Variants in KCNN2 observed in about 807,000 individuals in gnomAD.
KCNN2 encodes potassium calcium-activated channel subfamily N member 2, also known as small conductance calcium-activated potassium channel protein 2.
In KCNN2, 24 loss-of-function variants were observed where a neutral mutation model predicts 55.5. That is an observed-to-expected ratio of 0.43 (90% CI 0.31 to 0.61). The LOEUF (loss-of-function observed/expected upper bound fraction) is 0.61, where lower values mean the gene tolerates loss of function less well. KCNN2 is among the 20% of genes least tolerant of loss of function. KCNN2 has a pLI of 0.08. For synonymous variants in KCNN2, 431 were observed against 336.1 expected (o/e 1.28, Z -3.09); for missense variants, 754 against 853.6 (o/e 0.88, Z 1.45).
intron 1 of KCNN2, among the ~76,000 whole-genome samples, chr5:114,157,668 T>G (rs1206557075): frequency 6.6e-6 from 1 of 152,210 alleles, no homozygotes; most frequent in East Asian, 1.9e-4. Flanking sequence ...CCAGCACCTG[T>G]TGTTTCCTGA....
At chr5:114,407,895 C>T (rs1758988171) in intron 3 of KCNN2, among the ~76,000 whole-genome samples, 1 of 152,194 alleles carries the variant, frequency 6.6e-6, no homozygotes, top group Non-Finnish European at 1.5e-5. Context: ...GTTGTACTGT[C>T]TCCAGATAAT....
intron 2 of KCNN2, among the ~76,000 whole-genome samples, chr5:114,291,145 A>T (rs1755878459): frequency 6.6e-6 from 1 of 152,008 alleles, no homozygotes; most frequent in Admixed American, 6.6e-5. Context: ...AGTTATTAAA[A>T]TATTTTAAAA....
chr5:114,162,338 C>G (rs1408335520), intron 1 of KCNN2, among the ~76,000 whole-genome samples: 2 of 152,136 alleles, frequency 1.3e-5, no homozygotes, highest in African/African-American at 4.8e-5. Flanking sequence ...ACCGCAAATG[C>G]TGCTGCCAGA....
chr5:114,470,587 A>G (rs1009208528), intron 4 of KCNN2, among the ~76,000 whole-genome samples: 1 of 152,164 alleles, frequency 6.6e-6, no homozygotes. Flanking sequence ...ATGGGTAGAG[A>G]TGCTTCCAAA....
chr5:114,430,769 T>A (rs1759767628), intron 3 of KCNN2, among the ~76,000 whole-genome samples: 1 of 152,106 alleles, frequency 6.6e-6, no homozygotes, highest in Non-Finnish European at 1.5e-5. Flanking sequence ...GAAATTCCCC[T>A]CTATTCTTAG....
chr5:114,062,887 C>A (rs964909192), intron 1 of KCNN2, among the ~76,000 whole-genome samples: 3 of 152,142 alleles, frequency 2.0e-5, no homozygotes, highest in African/African-American at 7.2e-5. Context: ...CTCTTCATTG[C>A]ACTTAGGTAA....
intron 4 of KCNN2, among the ~76,000 whole-genome samples, chr5:114,467,944 A>G (rs1190009920): frequency 3.9e-5 from 6 of 152,132 alleles, no homozygotes; most frequent in African/African-American, 1.4e-4. Flanking sequence ...CAGTTTTATG[A>G]GGTACTTCCT....
intron 2 of KCNN2, among the ~76,000 whole-genome samples, chr5:114,302,619 G>A (rs1407067900): frequency 6.6e-6 from 1 of 152,144 alleles, no homozygotes; most frequent in East Asian, 1.9e-4. Flanking sequence ...ATCCCTCTTA[G>A]AGAAATAAAA....
At chr5:114,353,794 T>C (rs931028933) in intron 2 of KCNN2, among the ~76,000 whole-genome samples, 7 of 152,004 alleles carry the variant, frequency 4.6e-5, no homozygotes, top group African/African-American at 1.7e-4. Flanking sequence ...TGTTTAGTGA[T>C]GAGAAGTCAG....
At chr5:114,324,194 A>C (rs1235994946) in intron 2 of KCNN2, among the ~76,000 whole-genome samples, 4 of 152,192 alleles carry the variant, frequency 2.6e-5, no homozygotes, top group African/African-American at 9.7e-5. Flanking sequence ...ACACCTATGA[A>C]ATATAAATTA....
chr5:114,386,450 GTCTT>G (rs1735966898), intron 2 of KCNN2, among the ~76,000 whole-genome samples: 1 of 152,128 alleles, frequency 6.6e-6, no homozygotes, highest in African/African-American at 2.4e-5. Flanking sequence ...GATATAACCA[GTCTT>G]TCTATCACTT....
intron 2 of KCNN2, among the ~76,000 whole-genome samples, chr5:114,241,776 A>ATGTG (rs1186374977): frequency 0.014 from 157 of 11,124 alleles, 19 homozygotes; most frequent in African/African-American, 0.046. Context: ...ATATATATAC[A>ATGTG]TATATACGTA....
At position 114,058,372 on chromosome 5, in the gene KCNN2, A is replaced by G. The variant is rs1750254689; in HGVS notation, c.-271+1872A>G. 3.3e-5 allele frequency among the ~76,000 whole-genome samples: 5 copies of G among 152,216 alleles called. No individual in the cohort carries two copies. The South Asian group carries it at 1.0e-3, about 31-fold the overall frequency. On this transcript the variant is annotated intron_variant, in intron 1 of 10. Transcript: ENST00000512097. Reference sequence around the variant, plus strand: ...CAGATGGAGGAGAAACAGAGGCACCATATGGTTAGTTAGAGGCAAGTCAGT... The same window carrying G: ...CAGATGGAGGAGAAACAGAGGCACCGTATGGTTAGTTAGAGGCAAGTCAGT...
At chr5:114,286,820 G>C (rs902023903) in intron 2 of KCNN2, among the ~76,000 whole-genome samples, 1 of 152,158 alleles carries the variant, frequency 6.6e-6, no homozygotes, top group Non-Finnish European at 1.5e-5. Flanking sequence ...TACTGATATA[G>C]AAAGTCAGAC....
At chr5:114,192,267 C>T (rs1010751332) in intron 1 of KCNN2, among the ~76,000 whole-genome samples, 13 of 152,270 alleles carry the variant, frequency 8.5e-5, no homozygotes, top group African/African-American at 3.1e-4. Context: ...GTTTTGGCTG[C>T]TCTCTTATGC....
intron 2 of KCNN2, among the ~76,000 whole-genome samples, chr5:114,348,107 T>C (rs944934476): frequency 2.6e-5 from 4 of 152,186 alleles, no homozygotes; most frequent in Middle Eastern, 3.2e-3. Context: ...AGTGCACTTT[T>C]GCTGCCAACT....
chr5:114,228,964 G>T (rs947400814), intron 2 of KCNN2, among the ~76,000 whole-genome samples: 1 of 151,926 alleles, frequency 6.6e-6, no homozygotes, highest in African/African-American at 2.4e-5. Context: ...AAAAACATTA[G>T]ATTGTTTCTG....
chr5:114,364,654 G>A (rs1465049218), intron 2 of KCNN2, among the ~76,000 whole-genome samples: 1 of 145,534 alleles, frequency 6.9e-6, no homozygotes, highest in African/African-American at 2.6e-5. Context: ...TTGTTTAAAT[G>A]CAGCCAGGAG....
chr5:114,422,191 G>A (rs571453197), intron 3 of KCNN2, among the ~76,000 whole-genome samples: 2 of 152,262 alleles, frequency 1.3e-5, no homozygotes, highest in South Asian at 2.1e-4. Flanking sequence ...TTTTAGACAC[G>A]TCTTACTGCT....
Sources: allele counts gnomAD v4.1 joint callset (sites outside exome capture counted in the v4.1 genomes callset), GRCh38; gene constraint gnomAD v4.1.1; transcripts MANE v1.5; gene names NCBI Gene and HGNC (gene_info 2026-07-23, HGNC 2026-07-21).